XRCC4: variants seen among roughly 807,000 people sequenced by gnomAD.
XRCC4 encodes DNA repair protein XRCC4.
Under a neutral mutation model 39.1 loss-of-function variants are expected in XRCC4, and 28 were observed. That is an observed-to-expected ratio of 0.72 (90% CI 0.53 to 0.98). The LOEUF is 0.98. XRCC4 is among the 50% of genes least tolerant of loss of function. XRCC4 has a pLI of 0.00. For missense variants in XRCC4, 350 were observed against 376.4 expected (o/e 0.93, Z 0.58); for synonymous variants, 123 against 126.4 (o/e 0.97, Z 0.18).
intron 1 of XRCC4, among the ~76,000 whole-genome samples, chr5:83,093,313 A>G (rs1199707606): frequency 9.9e-5 from 15 of 152,234 alleles, no homozygotes. Flanking sequence ...CTAAATATAT[A>G]AAGCAAACAT....
At chr5:83,301,363 A>G (rs1015006359) in intron 7 of XRCC4, among the ~76,000 whole-genome samples, 10 of 152,166 alleles carry the variant, frequency 6.6e-5, no homozygotes, top group African/African-American at 2.4e-4. Context: ...TTTGTTGGCC[A>G]TATAAATGTC....
At chr5:83,240,397 A>C (rs1407231707) in intron 6 of XRCC4, among the ~76,000 whole-genome samples, 1 of 152,140 alleles carries the variant, frequency 6.6e-6, no homozygotes, top group Non-Finnish European at 1.5e-5. Context: ...ACAAGAGAGA[A>C]GCGATGACCT....
intron 7 of XRCC4, among the ~76,000 whole-genome samples, chr5:83,334,731 ATTATCT>A (rs1363652399): frequency 2.0e-5 from 3 of 151,818 alleles, no homozygotes; most frequent in African/African-American, 4.8e-5. Context: ...GGCACAGATG[ATTATCT>A]TTATTTTGTC....
intron 6 of XRCC4, among the ~76,000 whole-genome samples, chr5:83,249,550 G>A (rs1753233139): frequency 6.6e-6 from 1 of 152,080 alleles, no homozygotes; most frequent in African/African-American, 2.4e-5. Flanking sequence ...TTTTCCTAAT[G>A]TATCAAAATT....
At chr5:83,330,964 T>C (rs1216616994) in intron 7 of XRCC4, among the ~76,000 whole-genome samples, 3 of 152,038 alleles carry the variant, frequency 2.0e-5, no homozygotes, top group Non-Finnish European at 4.4e-5. Flanking sequence ...CTTGGTATTA[T>C]ATCCCAGGGG....
chr5:83,118,781 C>A lies in XRCC4; in HGVS notation c.315+7578C>A, dbSNP rs1484727929. ...AAGATGGATATCAATGGTCAACTAGCAATCTATGCATTTAACATGCAGGGA... is the reference window on the plus strand; with the variant it reads ...AAGATGGATATCAATGGTCAACTAGAAATCTATGCATTTAACATGCAGGGA... On this transcript the variant is annotated intron_variant, in intron 3 of 7. Transcript: ENST00000396027. Among the ~76,000 whole-genome samples the A allele has an allele frequency of 5.9e-5, 9 of 152,274 alleles. No homozygotes were observed. In the East Asian group the frequency reaches 1.5e-3, roughly 26 times the overall value.
chr5:83,288,632 C>T (rs1754813299), intron 7 of XRCC4, among the ~76,000 whole-genome samples: 1 of 151,798 alleles, frequency 6.6e-6, no homozygotes, highest in African/African-American at 2.4e-5. Context: ...GTTTACATGG[C>T]TTCTGATGTC....
At chr5:83,357,746 G>A (rs534996617), downstream of XRCC4, among the ~76,000 whole-genome samples, 1 of 152,280 alleles carries the variant, frequency 6.6e-6, no homozygotes, top group African/African-American at 2.4e-5. Context: ...AAAAATCGAA[G>A]GTCATAGGGC....
downstream of XRCC4, among the ~76,000 whole-genome samples, chr5:83,356,388 T>A (rs902999493): frequency 9.2e-5 from 14 of 152,300 alleles, no homozygotes; most frequent in African/African-American, 3.4e-4. Flanking sequence ...ATCTTTTGGC[T>A]ATTAACTCCC....
chr5:83,153,046 T>G (rs1399948981), intron 3 of XRCC4, among the ~76,000 whole-genome samples: 3 of 152,184 alleles, frequency 2.0e-5, no homozygotes, highest in Non-Finnish European at 4.4e-5. Flanking sequence ...TCCTAACCCC[T>G]GGCAACCACT....
Position 83,217,367 on chromosome 5 carries a change from A to AACAAAAAACAAAAC in XRCC4, c.745+12447_745+12448insCAAAAAACAAAACA, listed in dbSNP as rs1214437849. On this transcript the variant is annotated intron_variant, in intron 6 of 7. Transcript: ENST00000396027. ...GAGCAAGACTCCGTCTCAAAAAAAAAAAAAAAAAAACCATTGCGATAATTT... is the reference window on the plus strand; with the variant it reads ...GAGCAAGACTCCGTCTCAAAAAAAAAACAAAAAACAAAACAAAAAAAAAACCATTGCGATAATTT... Among the ~76,000 whole-genome samples, 16 of 151,466 alleles carry AACAAAAAACAAAAC rather than the reference A, an allele frequency of 1.1e-4. 1 individual carries two copies. Among genetic ancestry groups the AACAAAAAACAAAAC allele is most frequent in the Admixed American group, 6.6e-5 (1 of 15,184 alleles).
At chr5:83,284,786 A>G (rs1042507356) in intron 7 of XRCC4, among the ~76,000 whole-genome samples, 2 of 152,286 alleles carry the variant, frequency 1.3e-5, no homozygotes, top group South Asian at 2.1e-4. Flanking sequence ...AAATTTCAAT[A>G]TAGAAATATT....
chr5:83,179,603 T>C (rs1014294619), intron 3 of XRCC4, among the ~76,000 whole-genome samples: 1 of 152,120 alleles, frequency 6.6e-6, no homozygotes, highest in Non-Finnish European at 1.5e-5. Context: ...GCCAAAAAAA[T>C]GTCTTCTATG....
At chr5:83,260,484 C>A (rs1341276687) in intron 7 of XRCC4, among the ~76,000 whole-genome samples, 1 of 151,912 alleles carries the variant, frequency 6.6e-6, no homozygotes, top group Non-Finnish European at 1.5e-5. Context: ...TAATGGTTTG[C>A]GGGAAGAAGG....
At chr5:83,286,150 G>C (rs1413908372) in intron 7 of XRCC4, among the ~76,000 whole-genome samples, 1 of 152,068 alleles carries the variant, frequency 6.6e-6, no homozygotes, top group African/African-American at 2.4e-5. Context: ...GAGACCAATG[G>C]ACTGAATTGG....
At chr5:83,168,425 G>A (rs921903262) in intron 3 of XRCC4, among the ~76,000 whole-genome samples, 11 of 151,992 alleles carry the variant, frequency 7.2e-5, no homozygotes, top group South Asian at 2.1e-4. Flanking sequence ...ACAAAATCAC[G>A]TTGAAAGTTT....
At chr5:83,299,921 T>C (rs2112035532) in intron 7 of XRCC4, among the ~76,000 whole-genome samples, 1 of 152,330 alleles carries the variant, frequency 6.6e-6, no homozygotes, top group Non-Finnish European at 1.5e-5. Flanking sequence ...TTATGTGCTT[T>C]GCCTCTTTAT....
chr5:83,121,746 T>A (rs1165661913), intron 3 of XRCC4, among the ~76,000 whole-genome samples: 2 of 152,164 alleles, frequency 1.3e-5, no homozygotes, highest in African/African-American at 2.4e-5. Context: ...TAATCATGCT[T>A]TGAGATCACT....
chr5:83,182,513 A>G (rs1226111483), intron 3 of XRCC4, among the ~76,000 whole-genome samples: 8 of 152,216 alleles, frequency 5.3e-5, no homozygotes, highest in African/African-American at 1.9e-4. Flanking sequence ...GACAGAAGAA[A>G]TGAGGTAATC....
Sources: gnomAD v4.1 joint callset for allele counts (sites outside exome capture counted in the v4.1 genomes callset) on GRCh38, gnomAD v4.1.1 for gene constraint, MANE v1.5 for transcripts, NCBI Gene and HGNC (gene_info 2026-07-23, HGNC 2026-07-21) for gene names.